Variants in PDCD6IP observed in about 807,000 individuals in gnomAD.
The protein encoded by PDCD6IP is programmed cell death 6-interacting protein.
PDCD6IP carries 43 observed loss-of-function variants against 103.7 expected under a neutral mutation model. The observed-to-expected ratio is 0.41, with a 90% confidence interval of 0.32 to 0.53. The LOEUF is 0.53. Among genes scored for constraint, PDCD6IP ranks in the 20% least tolerant of loss-of-function variants. The pLI is 0.16. For missense variants in PDCD6IP, 871 were observed against 1,036.7 expected, an observed-to-expected ratio of 0.84 and a Z score of 2.20; for synonymous variants, 354 against 378.7, an observed-to-expected ratio of 0.93 and a Z score of 0.76.
Position 33,864,114 on chromosome 3 carries a change from G to A in PDCD6IP, c.2229G>A (p.Ala743=), listed in dbSNP as rs779305954. Residue 743 remains alanine, a synonymous_variant, in exon 16 of 18, where the codon GCG becomes GCA. Coordinates refer to ENST00000307296, the MANE Select transcript of PDCD6IP (RefSeq NM_013374.6). The part of the protein sequence containing the change: ...GGHAPTPPTP[A]PRTMPPTKPQ... ...ATGCACCAACTCCTCCAACTCCAGC[G>A]CCAAGAACCATGCCGGTTAGTAGGC... The A allele has an allele frequency of 3.8e-6, 6 of 1,594,950 alleles. No individual in the cohort carries two copies. The highest frequency in any genetic ancestry group is 1.7e-4 in the Middle Eastern group (1 of 6,050).
Position 33,826,558 on chromosome 3 carries a change from A to T in PDCD6IP, c.695A>T (p.Gln232Leu), listed in dbSNP as rs771842188. The change falls in exon 6 of 18, where the codon CAA (glutamine) becomes CTA (leucine). Residue 232 changes from glutamine (Q) to leucine (L), a missense_variant. Physicochemically the swap from Gln to Leu is moderately radical, Grantham distance 113. This residue lies in a region of PDCD6IP where 242 missense variants were observed against 250.7 expected (regional missense o/e 0.97). Transcript: ENST00000307296. ...TTTGGTGATGCTTTCAAACAGTGTC[A>T]ATACAAAGATACTCTCCCCAAGGTC... The part of the protein sequence containing the change: ...DYFGDAFKQC[Q>L]YKDTLPKEVF... 3 of 1,611,886 alleles carry T rather than the reference A, an allele frequency of 1.9e-6. No individual in the cohort carries two copies. Among genetic ancestry groups the T allele is most frequent in the Non-Finnish European group, 2.5e-6 (3 of 1,178,292 alleles).
rs1697739342 is a variant in PDCD6IP at position 33,852,493 on chromosome 3, A to G, written c.1647A>G (p.Val549=). Residue 549 remains valine (V), a synonymous_variant, in exon 13 of 18, where the codon GTA becomes GTG. Transcript: ENST00000307296. ...AAGGTGTCTTTTTTGTTTAGGTTGT[A>G]AATGTCTTAAAATCCTTATTGTCAA... ...PAKTMQGSEV[V]NVLKSLLSNL... The G allele has an allele frequency of 7.5e-7, 1 of 1,331,278 alleles. No homozygotes were observed. The highest frequency in any genetic ancestry group is 3.0e-5 in the Admixed American group (1 of 33,466). The allele number at this position is 1,331,278 out of a possible 1,614,324, so 82.5% of individuals were successfully genotyped here. A position where few individuals can be genotyped will look rare whatever the true frequency, so the allele number is the denominator to read the frequency against.
intron 12 of PDCD6IP, among the ~76,000 whole-genome samples, chr3:33,850,670 A>C (rs1464126812): frequency 6.6e-6 from 1 of 152,102 alleles, no homozygotes; most frequent in Non-Finnish European, 1.5e-5. Flanking sequence ...TCATTTAATA[A>C]TATGTCCTGG....
intron 4 of PDCD6IP, among the ~76,000 whole-genome samples, chr3:33,824,255 C>CTTTT (rs398062226): frequency 1.0e-4 from 15 of 146,054 alleles, no homozygotes; most frequent in Non-Finnish European, 9.0e-5. Context: ...CTCATGACAC[C>CTTTT]TTTTTTTTTT....
chr3:33,800,523 A>G (rs1237301926), intron 1 of PDCD6IP, among the ~76,000 whole-genome samples: 2 of 152,192 alleles, frequency 1.3e-5, no homozygotes, highest in Non-Finnish European at 2.9e-5. Flanking sequence ...GGGGTACTGA[A>G]TAGATTGCTC....
intron 8 of PDCD6IP, among the ~76,000 whole-genome samples, chr3:33,837,298 A>G (rs892469063): frequency 1.3e-4 from 20 of 152,336 alleles, no homozygotes; most frequent in African/African-American, 4.6e-4. Context: ...GATGTATACA[A>G]CAGATGGTAG....
chr3:33,836,021 G>A (rs779614186), intron 7 of PDCD6IP, 23 bp from the exon 8 acceptor site: 2 of 1,063,410 alleles, frequency 1.9e-6, no homozygotes, highest in Non-Finnish European at 2.7e-6. Flanking sequence ...TTTTTTTTTT[G>A]TTGTTGACGT....
rs2125562718 is a variant in PDCD6IP, at chr3:33,836,063, A to G, written c.854A>G (p.Lys285Arg). ...ARLQHAAELI[K>R]TVASRYDEYV... ...TTTTAGCATGCAGCAGAACTGATTA[A>G]AACAGTGGCATCTCGCTATGATGAA... The change falls in exon 8 of 18, where the codon AAA (lysine) becomes AGA (arginine). Residue 285 changes from lysine to arginine, a missense_variant. By Grantham distance (26) the Lys-to-Arg change is conservative. Around this residue, in one of 5 missense-constraint regions of PDCD6IP, gnomAD observed 242 missense variants for 250.7 expected, o/e 0.97. Transcript: ENST00000307296. 1.2e-6 allele frequency: 2 copies of G among 1,607,692 alleles called. No homozygotes were observed. The highest frequency in any genetic ancestry group is 1.7e-6 in the Non-Finnish European group (2 of 1,174,164).
intron 4 of PDCD6IP, 81 bp from the exon 5 acceptor site, chr3:33,825,106 T>G (rs1697087100): frequency 3.2e-6 from 4 of 1,236,806 alleles, no homozygotes; most frequent in African/African-American, 1.5e-5. Context: ...TGAGTTAACA[T>G]TTGAAATGAC....
chr3:33,820,004 C>A (rs1338412803), intron 3 of PDCD6IP, among the ~76,000 whole-genome samples: 1 of 152,164 alleles, frequency 6.6e-6, no homozygotes, highest in East Asian at 1.9e-4. Context: ...ACTTCACAGA[C>A]TGGGGGCGGT....
intron 7 of PDCD6IP, among the ~76,000 whole-genome samples, chr3:33,829,307 A>T (rs377400626): frequency 2.6e-5 from 4 of 152,138 alleles, no homozygotes; most frequent in African/African-American, 9.7e-5. Flanking sequence ...TGAAAAATTC[A>T]TGCAGAATTT....
intron 1 of PDCD6IP, among the ~76,000 whole-genome samples, chr3:33,801,777 T>G (rs1192423963): frequency 2.0e-5 from 3 of 152,210 alleles, no homozygotes; most frequent in Non-Finnish European, 4.4e-5. Flanking sequence ...TATTTTGTAT[T>G]TTATTTGAAG....
intron 1 of PDCD6IP, 105 bp downstream of exon 1, chr3:33,799,042 C>T: frequency 9.1e-7 from 1 of 1,101,562 alleles, no homozygotes; most frequent in Non-Finnish European, 1.3e-6. Flanking sequence ...GCGGAGCCGC[C>T]CCGTCCCGGC....
chr3:33,860,767 A>C (rs1193718749), intron 15 of PDCD6IP, among the ~76,000 whole-genome samples: 1 of 152,166 alleles, frequency 6.6e-6, no homozygotes, highest in African/African-American at 2.4e-5. Context: ...TGAATGTACA[A>C]GTTATTTATT....
Position 33,866,452 on chromosome 3 carries a change from C to A in PDCD6IP, c.2534C>A (p.Pro845Gln). Residue 845 changes from proline (P) to glutamine (Q), a missense_variant, in exon 18 of 18, where the codon CCA (proline) becomes CAA (glutamine). Around this residue, in one of 5 missense-constraint regions of PDCD6IP, gnomAD observed 202 missense variants for 205.2 expected, o/e 0.98. Transcript: ENST00000307296. ...TATCACCAGAGTCCTGGACAGGCTC[C>A]ATACCCGGGACCCCAGCAGCCTTCA... ...PVYHQSPGQA[P>Q]YPGPQQPSYP... 6.2e-7 allele frequency: 1 copy of A among 1,612,264 alleles called. No individual in the cohort carries two copies. Among genetic ancestry groups the A allele is most frequent in the Non-Finnish European group, 8.5e-7 (1 of 1,179,338 alleles).
intron 9 of PDCD6IP, among the ~76,000 whole-genome samples, chr3:33,840,198 T>C (rs1178143165): frequency 1.3e-5 from 2 of 152,142 alleles, no homozygotes; most frequent in African/African-American, 2.4e-5. Flanking sequence ...TATATTCTTA[T>C]AATAAATAAG....
At chr3:33,851,263 A>G (rs1697707088) in intron 12 of PDCD6IP, among the ~76,000 whole-genome samples, 3 of 151,138 alleles carry the variant, frequency 2.0e-5, no homozygotes, top group South Asian at 2.1e-4. Flanking sequence ...TTTTCTTTCT[A>G]TGAGCATCAT....
chr3:33,840,922 A>T (rs1370585610), intron 9 of PDCD6IP, among the ~76,000 whole-genome samples: 1 of 152,148 alleles, frequency 6.6e-6, no homozygotes, highest in African/African-American at 2.4e-5. Flanking sequence ...CTTTTTTAGG[A>T]TAGAATTTTT....
chr3:33,812,082 C>T lies in PDCD6IP; in HGVS notation c.220C>T (p.Gln74Ter). The T allele has an allele frequency of 1.3e-6, 2 of 1,592,996 alleles. No individual in the cohort carries two copies. The highest frequency in any genetic ancestry group is 1.7e-6 in the Non-Finnish European group (2 of 1,171,218). ...TGCTCTATTTTTTAGATATTATGAT[C>T]AGATTTGTTCTATTGAACCCAAATT... ...ALETLLRYYD[Q>*]ICSIEPKFPF... is the part of the protein sequence containing the mutation. Residue 74 changes from glutamine (Q) to a stop codon, truncating the protein, a stop_gained, in exon 2 of 18, where the codon CAG becomes TAG. Coordinates refer to ENST00000307296, the MANE Select transcript of PDCD6IP (RefSeq NM_013374.6). LOFTEE classifies it high-confidence loss of function.
Sources: allele counts gnomAD v4.1 joint callset (sites outside exome capture counted in the v4.1 genomes callset), GRCh38; gene constraint gnomAD v4.1.1; regional missense constraint gnomAD v4.1.1; transcripts MANE v1.5; gene names NCBI Gene and HGNC (gene_info 2026-07-23, HGNC 2026-07-21).